The following EYA4 variants were observed in gnomAD, a reference collection of about 807,000 sequenced individuals.
EYA4 encodes protein phosphatase EYA4.
In EYA4, 31 loss-of-function variants were observed where a neutral mutation model predicts 87.9. The observed-to-expected ratio is 0.35, with a 90% CI of 0.27 to 0.48. The LOEUF (loss-of-function observed/expected upper bound fraction) is 0.48. EYA4 is among the 20% of genes least tolerant of loss of function. The probability of loss-of-function intolerance (pLI) is 0.99; values close to 1 mark genes in which losing one functional copy is unlikely to be tolerated. For synonymous variants in EYA4, 263 were observed against 270.6 expected (o/e 0.97, Z 0.28); for missense variants, 678 against 761.4 (o/e 0.89, Z 1.29).
intron 1 of EYA4, chr6:133,248,418 A>G (rs1774595251): frequency 6.6e-6 from 1 of 152,240 alleles, no homozygotes; most frequent in South Asian, 2.1e-4. Context: ...AAGTAGGTGT[A>G]CCACATACCG....
At chr6:133,306,846 T>TA (rs978105515) in intron 2 of EYA4, among the ~76,000 whole-genome samples, 12 of 152,006 alleles carry the variant, frequency 7.9e-5, no homozygotes, top group Non-Finnish European at 1.6e-4. Flanking sequence ...GTAAGAACTT[T>TA]AAAAAAAATA....
intron 2 of EYA4, among the ~76,000 whole-genome samples, chr6:133,310,443 A>G (rs77881852): frequency 1.9e-3 from 283 of 152,324 alleles, no homozygotes; most frequent in African/African-American, 6.5e-3. Context: ...TTAATATAAT[A>G]TGCTAGGATA....
intron 13 of EYA4, among the ~76,000 whole-genome samples, chr6:133,495,759 A>G (rs1236362409): frequency 6.6e-6 from 1 of 152,160 alleles, no homozygotes; most frequent in African/African-American, 2.4e-5. Context: ...TTGAGCACAG[A>G]TTGCTGCGTT....
intron 2 of EYA4, among the ~76,000 whole-genome samples, chr6:133,294,927 T>C (rs1425385756): frequency 6.6e-6 from 1 of 152,150 alleles, no homozygotes; most frequent in Non-Finnish European, 1.5e-5. Context: ...ATTTGTTAGA[T>C]ATTTCTTAAC....
rs200658179 is a variant in EYA4 at position 133,483,386 on chromosome 6, T to TA, written c.1191+272dup. Among the ~76,000 whole-genome samples the TA allele has an allele frequency of 6.5e-3, 988 of 152,182 alleles. 10 individuals are homozygous for TA. Among genetic ancestry groups the TA allele is most frequent in the African/African-American group, 0.02 (850 of 41,518 alleles). On this transcript the variant is annotated intron_variant, in intron 13 of 19. Transcript: ENST00000355286. ...GCTTCTTAGTCTCACATAATTATTT[T>TA]AGAAAAAAAATTGTAAATCGAAATG...
Position 133,262,974 on chromosome 6 carries a change from A to G in EYA4, c.-65-11742A>G, listed in dbSNP as rs548130100. Among the ~76,000 whole-genome samples, 8 of 152,262 alleles carry G rather than the reference A, an allele frequency of 5.3e-5. No homozygotes were observed. In the South Asian group the frequency reaches 1.7e-3, roughly 32 times the overall value. ...GCATAGTCCAAGAATGTGCATCTCCATGTCTCTGAACAGTTGGCCATAGAA... is the reference window on the plus strand; with the variant it reads ...GCATAGTCCAAGAATGTGCATCTCCGTGTCTCTGAACAGTTGGCCATAGAA... On this transcript the variant is annotated intron_variant, in intron 1 of 19. Coordinates refer to ENST00000355286, the MANE Select transcript of EYA4 (RefSeq NM_004100.5).
intron 2 of EYA4, among the ~76,000 whole-genome samples, chr6:133,290,731 G>A (rs537290554): frequency 6.6e-6 from 1 of 152,126 alleles, no homozygotes; most frequent in Admixed American, 6.6e-5. Flanking sequence ...AATCCTTTAC[G>A]TTAGTTTAAC....
At chr6:133,501,910 A>G (rs1223465468) in intron 13 of EYA4, among the ~76,000 whole-genome samples, 3 of 152,222 alleles carry the variant, frequency 2.0e-5, no homozygotes, top group Non-Finnish European at 2.9e-5. Flanking sequence ...CTGTGTTCAC[A>G]TGGCTAATAG....
intron 2 of EYA4, among the ~76,000 whole-genome samples, chr6:133,291,190 G>C (rs1027959118): frequency 2.0e-5 from 3 of 152,164 alleles, no homozygotes; most frequent in African/African-American, 7.2e-5. Context: ...ATGTAACAGA[G>C]TGCATATTTG....
intron 2 of EYA4, among the ~76,000 whole-genome samples, chr6:133,298,735 C>G (rs1779133679): frequency 6.6e-6 from 1 of 152,148 alleles, no homozygotes; most frequent in Non-Finnish European, 1.5e-5. Flanking sequence ...GTTCCTGGCT[C>G]AGAGGATATA....
At chr6:133,484,704 T>C (rs1796542076) in intron 13 of EYA4, among the ~76,000 whole-genome samples, 1 of 152,240 alleles carries the variant, frequency 6.6e-6, no homozygotes, top group African/African-American at 2.4e-5. Context: ...CCTGTTGAGC[T>C]GATTGCAATA....
At chr6:133,287,857 G>T (rs951736361) in intron 2 of EYA4, among the ~76,000 whole-genome samples, 2 of 152,124 alleles carry the variant, frequency 1.3e-5, no homozygotes, top group Non-Finnish European at 2.9e-5. Flanking sequence ...CCAAGTGGCC[G>T]GGCACGGTGG....
intron 3 of EYA4, among the ~76,000 whole-genome samples, chr6:133,422,842 C>G (rs933224403): frequency 6.6e-6 from 1 of 152,158 alleles, no homozygotes; most frequent in Non-Finnish European, 1.5e-5. Flanking sequence ...TGGAATTGCC[C>G]CTTCTGACTT....
At chr6:133,383,254 C>T (rs1279305426) in intron 3 of EYA4, among the ~76,000 whole-genome samples, 2 of 152,050 alleles carry the variant, frequency 1.3e-5, no homozygotes, top group Non-Finnish European at 2.9e-5. Context: ...CATTGCATAT[C>T]TAGGTAAAAT....
intron 17 of EYA4, among the ~76,000 whole-genome samples, chr6:133,522,595 TTTC>T (rs978618467): frequency 1.3e-5 from 2 of 152,176 alleles, no homozygotes; most frequent in African/African-American, 4.8e-5. Flanking sequence ...TGTTTTTTGT[TTTC>T]TTCTTTATAT....
intron 9 of EYA4, 139 bp downstream of exon 9, chr6:133,462,903 C>G (rs1419524146): frequency 1.2e-6 from 1 of 813,040 alleles, no homozygotes; most frequent in Middle Eastern, 3.1e-4. Context: ...AGAAAGATAA[C>G]TAGACAGAAA....
intron 2 of EYA4, among the ~76,000 whole-genome samples, chr6:133,332,402 A>G (rs1241823815): frequency 6.6e-6 from 1 of 152,240 alleles, no homozygotes; most frequent in Admixed American, 6.5e-5. Flanking sequence ...GCTTTATTTC[A>G]GAACACCCCT....
intron 19 of EYA4, among the ~76,000 whole-genome samples, chr6:133,525,607 T>C (rs1177795439): frequency 1.3e-5 from 2 of 152,118 alleles, no homozygotes; most frequent in Non-Finnish European, 2.9e-5. Flanking sequence ...TGCACAGATA[T>C]AGATGAGCCA....
chr6:133,501,858 G>A (rs1303418423), intron 13 of EYA4, among the ~76,000 whole-genome samples: 2 of 152,152 alleles, frequency 1.3e-5, no homozygotes, highest in African/African-American at 4.8e-5. Context: ...CCCAATGCAG[G>A]GCAGAGGCCC....
Sources: gnomAD v4.1 joint callset for allele counts (sites outside exome capture counted in the v4.1 genomes callset) on GRCh38, gnomAD v4.1.1 for gene constraint, MANE v1.5 for transcripts, NCBI Gene and HGNC (gene_info 2026-07-23, HGNC 2026-07-21) for gene names.